Variants in KLF12 observed in about 807,000 individuals in gnomAD.
KLF12 encodes Krueppel-like factor 12.
Under a neutral mutation model 37.8 loss-of-function variants are expected in KLF12, and 9 were observed. That is an observed-to-expected ratio of 0.24 (90% CI 0.14 to 0.42). The LOEUF is 0.42. KLF12 is among the 10% of genes least tolerant of loss of function. The pLI is 1.00. For missense variants in KLF12, 411 were observed against 516.0 expected (o/e 0.80, Z 1.97); for synonymous variants, 208 against 202.1 (o/e 1.03, Z -0.25).
chr13:74,016,169 CA>C (rs1044242836), intron 1 of KLF12, among the ~76,000 whole-genome samples: 2 of 151,708 alleles, frequency 1.3e-5, no homozygotes, highest in Non-Finnish European at 2.9e-5. Flanking sequence ...CAAAAACAAA[CA>C]AAAAATTTGG....
chr13:73,960,007 A>T (rs138242388), intron 2 of KLF12, among the ~76,000 whole-genome samples: 1 of 152,282 alleles, frequency 6.6e-6, no homozygotes, highest in Non-Finnish European at 1.5e-5. Flanking sequence ...GAGATACATA[A>T]ATAGATGAGA....
intron 3 of KLF12, among the ~76,000 whole-genome samples, chr13:73,846,814 G>A (rs1033959315): frequency 2.6e-5 from 4 of 152,018 alleles, no homozygotes; most frequent in Admixed American, 6.6e-5. Context: ...TATATTCTGA[G>A]CATTAAAAAA....
At chr13:74,011,852 G>C (rs1166894175) in intron 1 of KLF12, among the ~76,000 whole-genome samples, 1 of 152,142 alleles carries the variant, frequency 6.6e-6, no homozygotes, top group African/African-American at 2.4e-5. Context: ...GGTTAAATAA[G>C]TATTAATATA....
intron 4 of KLF12, 53 bp from the exon 5 acceptor site, chr13:73,813,340 C>T (rs1313020230): frequency 1.3e-6 from 2 of 1,599,026 alleles, no homozygotes; most frequent in East Asian, 2.2e-5. Flanking sequence ...AGAAAGTTAA[C>T]CTTGTCCTGG....
At chr13:74,027,338 A>ATCTAAT (rs1368343847) in intron 1 of KLF12, among the ~76,000 whole-genome samples, 3 of 151,972 alleles carry the variant, frequency 2.0e-5, no homozygotes, top group Non-Finnish European at 4.4e-5. Flanking sequence ...TTTTTTCATC[A>ATCTAAT]TCTAATTCTA....
intron 1 of KLF12, among the ~76,000 whole-genome samples, chr13:74,133,262 G>A (rs1174183101): frequency 1.3e-5 from 2 of 151,822 alleles, no homozygotes; most frequent in African/African-American, 4.8e-5. Context: ...CGGTCCCGGT[G>A]CGGAGCTATT....
At chr13:73,722,016 A>G (rs1171673682) in intron 6 of KLF12, among the ~76,000 whole-genome samples, 1 of 152,150 alleles carries the variant, frequency 6.6e-6, no homozygotes, top group Non-Finnish European at 1.5e-5. Flanking sequence ...TACCAAAAAG[A>G]ATTGAGTTGG....
chr13:74,068,562 T>C (rs1452179879), intron 1 of KLF12, among the ~76,000 whole-genome samples: 1 of 150,524 alleles, frequency 6.6e-6, no homozygotes, highest in Admixed American at 6.6e-5. Flanking sequence ...TTTTTTCTTT[T>C]TTTTTTTTTT....
At chr13:73,890,654 A>T (rs901340122) in intron 3 of KLF12, among the ~76,000 whole-genome samples, 20 of 151,698 alleles carry the variant, frequency 1.3e-4, no homozygotes, top group African/African-American at 4.9e-4. Flanking sequence ...GACTAGACCA[A>T]ATCAGAATGG....
At chr13:74,258,763 C>G in the KLF12 span, 1 of 152,226 alleles carries the variant, frequency 6.6e-6, no homozygotes, top group Non-Finnish European at 1.5e-5. Flanking sequence ...ACTCCCCACT[C>G]TTCCTCAATT....
At chr13:73,804,846 G>T (rs1258103838) in intron 5 of KLF12, among the ~76,000 whole-genome samples, 1 of 152,170 alleles carries the variant, frequency 6.6e-6, no homozygotes, top group Non-Finnish European at 1.5e-5. Flanking sequence ...AGGATTTAAA[G>T]GTGTCCCAAA....
At chr13:74,095,390 AT>A (rs1029993562) in intron 1 of KLF12, among the ~76,000 whole-genome samples, 3 of 100,276 alleles carry the variant, frequency 3.0e-5, no homozygotes, top group African/African-American at 1.0e-4. Context: ...TTTTTATCGT[AT>A]TTTTTTTTCC....
At chr13:74,273,991 T>C in the KLF12 span, among the ~76,000 whole-genome samples, 3 of 152,108 alleles carry the variant, frequency 2.0e-5, no homozygotes, top group African/African-American at 7.2e-5. Context: ...TAATTAAAAA[T>C]AGAAGACTGG....
the KLF12 span, among the ~76,000 whole-genome samples, chr13:74,241,811 G>A: frequency 1.4e-4 from 21 of 152,172 alleles, no homozygotes; most frequent in South Asian, 4.2e-3. Context: ...GCTCGCGCAC[G>A]GTGCATGCAC....
chr13:74,190,865 C>T, the KLF12 span, among the ~76,000 whole-genome samples: 1 of 152,206 alleles, frequency 6.6e-6, no homozygotes. Context: ...ACTCTTTCTT[C>T]TCCTTCAGAA....
At chr13:73,816,397 C>A (rs943451152) in intron 4 of KLF12, among the ~76,000 whole-genome samples, 9 of 152,182 alleles carry the variant, frequency 5.9e-5, no homozygotes, top group Non-Finnish European at 1.0e-4. Flanking sequence ...GATTTTATTG[C>A]TCTTTAATGA....
At chr13:73,773,536 A>G (rs9318215) in intron 5 of KLF12, among the ~76,000 whole-genome samples, 16,281 of 152,026 alleles carry the variant, frequency 0.11, 970 homozygotes, top group African/African-American at 0.14. Context: ...AACTCTTTCC[A>G]TATCCACAAA....
chr13:73,877,005 T>A (rs1466197566), intron 3 of KLF12, among the ~76,000 whole-genome samples: 50 of 150,024 alleles, frequency 3.3e-4, no homozygotes, highest in African/African-American at 1.2e-3. Flanking sequence ...AGAGTGAGAC[T>A]CCGTCTCAAA....
intron 5 of KLF12, among the ~76,000 whole-genome samples, chr13:73,767,219 T>C (rs1879973129): frequency 6.6e-6 from 1 of 152,166 alleles, no homozygotes; most frequent in Admixed American, 6.5e-5. Context: ...GTGACACTTT[T>C]TGCCATCTTC....
Sources: gnomAD v4.1 joint callset for allele counts (sites outside exome capture counted in the v4.1 genomes callset) on GRCh38, gnomAD v4.1.1 for gene constraint, MANE v1.5 for transcripts, NCBI Gene and HGNC (gene_info 2026-07-23, HGNC 2026-07-21) for gene names.